AZIN2: variants seen among roughly 807,000 people sequenced by gnomAD.
AZIN2 encodes the protein ODC antizyme inhibitor-2.
AZIN2 carries 28 observed loss-of-function variants against 47.8 expected under a neutral mutation model. The ratio of observed to expected loss-of-function variants is 0.59; its 90% CI spans 0.43 to 0.80. The LOEUF (loss-of-function observed/expected upper bound fraction) is 0.80. AZIN2 is among the 30% of genes least tolerant of loss of function. The pLI, the probability that AZIN2 is intolerant of heterozygous loss-of-function variation, is 0.00. For synonymous variants in AZIN2, 221 were observed against 239.4 expected, an observed-to-expected ratio of 0.92 and a Z score of 0.71; for missense variants, 535 against 582.5, an observed-to-expected ratio of 0.92 and a Z score of 0.84.
chr1:33,137,053 C>T, the AZIN2 span, among the ~76,000 whole-genome samples: 143 of 151,626 alleles, frequency 9.4e-4, no homozygotes, highest in African/African-American at 3.3e-3. Context: ...GGGGGAGTGA[C>T]GGTTGGCCAG....
At chr1:33,098,681 CA>C (rs1439981618) in intron 10 of AZIN2, among the ~76,000 whole-genome samples, 1 of 152,154 alleles carries the variant, frequency 6.6e-6, no homozygotes, top group African/African-American at 2.4e-5. Context: ...GGGCCTCCAG[CA>C]ATTTTAATGG....
At chr1:33,159,427 A>G in the AZIN2 span, among the ~76,000 whole-genome samples, 1 of 152,158 alleles carries the variant, frequency 6.6e-6, no homozygotes, top group African/African-American at 2.4e-5. This position sits in a 1 kb window ranked among gnomAD's most constrained non-coding sequence, Gnocchi z 4.2. Flanking sequence ...GAGCCAAGAC[A>G]GCAGGGTCAA....
At chr1:33,148,919 C>T in the AZIN2 span, among the ~76,000 whole-genome samples, 1 of 152,152 alleles carries the variant, frequency 6.6e-6, no homozygotes, top group Non-Finnish European at 1.5e-5. Flanking sequence ...CAGGACTAAC[C>T]AAGGTCGTCT....
chr1:33,160,666 A>C, the AZIN2 span, among the ~76,000 whole-genome samples: 1 of 152,124 alleles, frequency 6.6e-6, no homozygotes, highest in East Asian at 1.9e-4. Flanking sequence ...TGGCCTCCCA[A>C]AGTGCTGGGA....
chr1:33,123,605 C>T (rs1166567697), downstream of AZIN2, among the ~76,000 whole-genome samples: 2 of 152,224 alleles, frequency 1.3e-5, no homozygotes, highest in Admixed American at 1.3e-4. Flanking sequence ...TGGCTCATGC[C>T]TGTAATCCTA....
At chr1:33,105,932 T>C (rs1220497071) in intron 10 of AZIN2, among the ~76,000 whole-genome samples, 1 of 152,218 alleles carries the variant, frequency 6.6e-6, no homozygotes, top group East Asian at 1.9e-4. Flanking sequence ...GATGGGGCTT[T>C]CTTACTTGCT....
chr1:33,142,065 C>T, the AZIN2 span: 1 of 152,232 alleles, frequency 6.6e-6, no homozygotes, highest in Non-Finnish European at 1.5e-5. Flanking sequence ...ATAACCGTGT[C>T]CTGATGGGCA....
intron 5 of AZIN2, among the ~76,000 whole-genome samples, chr1:33,090,946 T>C (rs1403395950): frequency 4.6e-5 from 7 of 152,206 alleles, no homozygotes; most frequent in Admixed American, 4.6e-4. Context: ...AGATCATGCA[T>C]GTTTGTCTTT....
At chr1:33,096,136 C>T (rs964116838) in intron 8 of AZIN2, among the ~76,000 whole-genome samples, 11 of 151,890 alleles carry the variant, frequency 7.2e-5, no homozygotes, top group Admixed American at 7.2e-4. Flanking sequence ...CCATGCCTGG[C>T]CAGAAATAAA....
Position 33,082,242 on chromosome 1 carries a change from T to G in AZIN2, c.-8T>G, listed in dbSNP as rs763680080. On this transcript the variant is annotated 5_prime_UTR_variant, in exon 4 of 12. Coordinates refer to ENST00000294517, the MANE Select transcript of AZIN2 (RefSeq NM_052998.4). Reference sequence around the variant, plus strand: ...CTCCATCCAGCCCGTCAGCTCCTCCTGCAAGGCATGGCTGGCTACCTGAGT... The same window carrying G: ...CTCCATCCAGCCCGTCAGCTCCTCCGGCAAGGCATGGCTGGCTACCTGAGT... 3 of 1,613,192 alleles carry G rather than the reference T, an allele frequency of 1.9e-6. No individual in the cohort carries two copies. The African/African-American group carries it at 4.0e-5, about 22-fold the overall frequency.
At chr1:33,087,325 G>T (rs1384295225) in intron 5 of AZIN2, among the ~76,000 whole-genome samples, 3 of 151,820 alleles carry the variant, frequency 2.0e-5, no homozygotes, top group Admixed American at 6.6e-5. Context: ...TAGAGATGGG[G>T]TTTCTCCATG....
chr1:33,144,224 G>A, the AZIN2 span, among the ~76,000 whole-genome samples: 30 of 148,544 alleles, frequency 2.0e-4, no homozygotes, highest in South Asian at 2.4e-3. Flanking sequence ...CGCAACCTCC[G>A]CCTCCCGGGT....
chr1:33,090,636 T>C (rs1316149835), intron 5 of AZIN2, among the ~76,000 whole-genome samples: 1 of 152,234 alleles, frequency 6.6e-6, no homozygotes, highest in Non-Finnish European at 1.5e-5. Flanking sequence ...TTTTGATATA[T>C]GTATACGTTG....
chr1:33,092,445 C>G (rs1404507500), intron 6 of AZIN2, among the ~76,000 whole-genome samples: 1 of 152,040 alleles, frequency 6.6e-6, no homozygotes, highest in African/African-American at 2.4e-5. Flanking sequence ...TGGACTGAAC[C>G]CAGGATGCTA....
At chr1:33,146,941 C>T in the AZIN2 span, 1 of 561,264 alleles carries the variant, frequency 1.8e-6, no homozygotes, top group Non-Finnish European at 3.2e-6. Flanking sequence ...CATGTCACAT[C>T]CTTGGATCAA....
the AZIN2 span, among the ~76,000 whole-genome samples, chr1:33,156,488 G>A: frequency 6.6e-6 from 1 of 152,152 alleles, no homozygotes; most frequent in Non-Finnish European, 1.5e-5. Context: ...CTTCCTCCAG[G>A]CTTCCAGGAC....
Position 33,113,335 on chromosome 1 carries a change from T to C in AZIN2, c.1030-4567T>C, listed in dbSNP as rs1216096497. On this transcript the variant is annotated intron_variant, in intron 10 of 11. Coordinates refer to ENST00000294517, the MANE Select transcript of AZIN2 (RefSeq NM_052998.4). The surrounding 1 kb of genome is among the most constrained non-coding windows in gnomAD (Gnocchi z 4.1). ...TGTGGCCCAAGTACATCCAAGAATG[T>C]AATAGCTTAATGCTTTCACTACTAT... Among the ~76,000 whole-genome samples the C allele has an allele frequency of 6.6e-6, 1 of 152,196 alleles. No homozygotes were observed. Among genetic ancestry groups the C allele is most frequent in the Non-Finnish European group, 1.5e-5 (1 of 68,040 alleles).
At chr1:33,144,897 G>C in the AZIN2 span, among the ~76,000 whole-genome samples, 3 of 152,194 alleles carry the variant, frequency 2.0e-5, no homozygotes, top group African/African-American at 7.2e-5. Context: ...GAGGCAGCTG[G>C]GGGGATAGGG....
At position 33,093,431 on chromosome 1, in the gene AZIN2, C is replaced by T. The variant is rs1273650711; in HGVS notation, c.587+15C>T. ...GTGGGTGTGAGGTGAGCACTGGGAA[C>T]CCCTGCCATCCCCTCCCACACCAGG... On this transcript the variant is annotated intron_variant, in intron 7 of 11. Coordinates refer to ENST00000294517, the MANE Select transcript of AZIN2 (RefSeq NM_052998.4). 5.6e-6 allele frequency: 9 copies of T among 1,610,010 alleles called. No homozygotes were observed. Among genetic ancestry groups the T allele is most frequent in the African/African-American group, 1.3e-5 (1 of 74,812 alleles).
Sources: allele counts gnomAD v4.1 joint callset (sites outside exome capture counted in the v4.1 genomes callset), GRCh38; gene constraint gnomAD v4.1.1; non-coding constraint Gnocchi (gnomAD v3.1); transcripts MANE v1.5; gene names NCBI Gene and HGNC (gene_info 2026-07-23, HGNC 2026-07-21).